TSC2: variants seen among roughly 807,000 people sequenced by gnomAD.
TSC2 encodes tuberin.
A neutral mutation model predicts 202.2 loss-of-function variants in TSC2; 29 were observed. That is an observed-to-expected ratio of 0.14 (90% confidence interval 0.11 to 0.20). The LOEUF (loss-of-function observed/expected upper bound fraction) is 0.20. Among genes scored for constraint, TSC2 ranks in the 10% least tolerant of loss-of-function variants. The pLI, the probability that TSC2 is intolerant of heterozygous loss-of-function variation, is 1.00. For missense variants in TSC2, 2,429 were observed against 2,420.0 expected, an observed-to-expected ratio of 1.00 and a Z score of -0.08; for synonymous variants, 1,349 against 1,044.0, an observed-to-expected ratio of 1.29 and a Z score of -5.63.
Position 2,063,289 on chromosome 16 carries a change from G to A in TSC2, c.1443+236G>A. 5 of 609,052 alleles carry A rather than the reference G, an allele frequency of 8.2e-6. No homozygotes were observed. The South Asian group carries it at 9.6e-5, about 12-fold the overall frequency. 37.7% of individuals were successfully genotyped at this position (609,052 alleles called of 1,614,324 possible). A position where few individuals can be genotyped will look rare whatever the true frequency, so the allele number is the denominator to read the frequency against. ...AAGTAGCAAGGAAGGCACAGTGCCT[G>A]CCCTCAGGGAGCTCCGGCCGGTTTT... is the stretch of plus-strand genomic sequence containing the variant. On this transcript the variant is annotated intron_variant, in intron 14 of 41. Coordinates refer to ENST00000219476, the MANE Select transcript of TSC2 (RefSeq NM_000548.5).
chr16:2,080,017 T>G (rs529380489), intron 29 of TSC2, 148 bp from the exon 30 acceptor site: 1 of 1,097,946 alleles, frequency 9.1e-7, no homozygotes, highest in African/African-American at 1.5e-5. Context: ...GCCAGCACTG[T>G]GGTGGGCCGT....
chr16:2,083,335 T>A (rs372127454), intron 32 of TSC2: 25 of 457,078 alleles, frequency 5.5e-5, no homozygotes, highest in African/African-American at 4.1e-4. Context: ...CTCTCCTCGG[T>A]TACGAGGGCT....
chr16:2,083,888 G>T, intron 33 of TSC2, 72 bp downstream of exon 33: 1 of 1,550,814 alleles, frequency 6.4e-7, no homozygotes, highest in Non-Finnish European at 8.7e-7. Context: ...CTCTGCGTGG[G>T]TGTGCCTGCA....
chr16:2,087,048 C>A, intron 38 of TSC2, 177 bp downstream of exon 38: 4 of 954,710 alleles, frequency 4.2e-6, no homozygotes, highest in Admixed American at 2.3e-5. Flanking sequence ...GTCCTCTGTG[C>A]CCTGAAGCCT....
chr16:2,078,722 T>C (rs2089735012), intron 26 of TSC2: 1 of 452,304 alleles, frequency 2.2e-6, no homozygotes, highest in Admixed American at 3.4e-5. Context: ...TCTGCATGAC[T>C]ACACCGTTTC....
chr16:2,069,126 G>A (rs1251306469), intron 16 of TSC2, among the ~76,000 whole-genome samples: 1 of 152,170 alleles, frequency 6.6e-6, no homozygotes, highest in African/African-American at 2.4e-5. Context: ...ACGGTGACAA[G>A]TTTGATTCCC....
At chr16:2,069,005 A>G (rs1463800185) in intron 16 of TSC2, among the ~76,000 whole-genome samples, 5 of 151,846 alleles carry the variant, frequency 3.3e-5, no homozygotes, top group Middle Eastern at 3.2e-3. Flanking sequence ...AGGAGAGGAG[A>G]CACATGGTCT....
chr16:2,063,843 G>T (rs962488347), intron 14 of TSC2: 2 of 325,994 alleles, frequency 6.1e-6, no homozygotes, highest in Non-Finnish European at 1.2e-5. Context: ...GCTGTCCTCA[G>T]CACAGCACGC....
Position 2,080,664 on chromosome 16 carries a change from C to T in TSC2, c.3610+287C>T, listed in dbSNP as rs534142883. 493 of 425,024 alleles carry T rather than the reference C, an allele frequency of 1.2e-3. 5 individuals carry two copies. The highest frequency in any genetic ancestry group is 5.2e-3 in the South Asian group (228 of 43,916). The allele number at this position is 425,024 out of a possible 1,614,324, so 26.3% of individuals were successfully genotyped here. A position where few individuals can be genotyped will look rare whatever the true frequency, so the allele number is the denominator to read the frequency against. ...ACGCCTGGCCAATTTTTTTGTATTT[C>T]TAGTAGAGATGGGGTTTCACTGTGT... On this transcript the variant is annotated intron_variant, in intron 30 of 41. Coordinates refer to ENST00000219476, the MANE Select transcript of TSC2 (RefSeq NM_000548.5).
intron 15 of TSC2, chr16:2,065,276 G>C (rs928279985): frequency 1.4e-5 from 7 of 488,896 alleles, no homozygotes; most frequent in Non-Finnish European, 2.6e-5. Flanking sequence ...AGCTGGGCGT[G>C]GTGGCGGGCG....
chr16:2,063,421 G>C, intron 14 of TSC2: 1 of 391,208 alleles, frequency 2.6e-6, no homozygotes, highest in South Asian at 2.4e-5. Context: ...CTGTGCACCT[G>C]CGTGATCGCC....
intron 5 of TSC2, chr16:2,054,897 G>C: frequency 3.0e-6 from 1 of 331,370 alleles, no homozygotes; most frequent in South Asian, 2.7e-5. Context: ...AGGAGGAAGA[G>C]ATCGGTCTGA....
Position 2,079,302 on chromosome 16 carries a change from C to T in TSC2, c.3158C>T (p.Ala1053Val), listed in dbSNP as rs760214724. The T allele has an allele frequency of 8.1e-6, 13 of 1,613,016 alleles. No individual in the cohort carries two copies. The highest frequency in any genetic ancestry group is 8.5e-6 in the Non-Finnish European group (10 of 1,180,014). The change falls in exon 28 of 42, where the codon GCG becomes GTG. Residue 1053 changes from alanine to valine, a missense_variant. By Grantham distance (64) the Ala-to-Val change is moderately conservative (BLOSUM62 0). Coordinates refer to ENST00000219476, the MANE Select transcript of TSC2 (RefSeq NM_000548.5). The surrounding 1 kb of genome is among the most constrained non-coding windows in gnomAD (Gnocchi z 4.6). Reference protein sequence around the residue: ...KRSPVGEFLLAGGRTKTWLVG... With the variant: ...KRSPVGEFLLVGGRTKTWLVG... ...TCTCCTGTGGGCGAGTTCCTCCTAGCGGGTGGCAGGACCAAAACCTGGCTG... is the reference window on the plus strand; with the variant it reads ...TCTCCTGTGGGCGAGTTCCTCCTAGTGGGTGGCAGGACCAAAACCTGGCTG...
At chr16:2,072,576 C>T (rs1209856200) in intron 20 of TSC2, 6 of 824,776 alleles carry the variant, frequency 7.3e-6, no homozygotes, top group Non-Finnish European at 7.4e-6. Flanking sequence ...CAGAGGTCCC[C>T]AGCCAAGGGC....
At position 2,072,334 on chromosome 16, in the gene TSC2, G is replaced by T. The variant is rs777308285; in HGVS notation, c.2191G>T (p.Asp731Tyr). 1.2e-6 allele frequency: 2 copies of T among 1,614,092 alleles called. No homozygotes were observed. The highest frequency in any genetic ancestry group is 1.7e-6 in the Non-Finnish European group (2 of 1,180,026). ...CATCTTTACTTCCCCTTGCAGTGTG[G>T]ACCAGCTGTGCTCTGCTCTCTGCTC... is the stretch of plus-strand genomic sequence containing the variant. ...VLIFTSPCSV[D>Y]QLCSALCSML... The change falls in exon 20 of 42, where the codon GAC becomes TAC. Residue 731 changes from aspartate (D) to tyrosine (Y), a missense_variant. By Grantham distance (160) the Asp-to-Tyr change is radical. Coordinates refer to ENST00000219476, the MANE Select transcript of TSC2 (RefSeq NM_000548.5).
intron 11 of TSC2, 26 bp from the exon 12 acceptor site, chr16:2,061,845 C>T (rs935266082): frequency 9.9e-6 from 16 of 1,614,022 alleles, no homozygotes; most frequent in Non-Finnish European, 1.2e-5. Context: ...GGAAGTCAGC[C>T]TGTGTCATCG....
In TSC2 at chr16:2,064,391, A is replaced by T. The variant is rs1464352573; in HGVS notation, c.1563A>T (p.Thr521=). 2 of 1,613,676 alleles carry T rather than the reference A, an allele frequency of 1.2e-6. No homozygotes were observed. The highest frequency in any genetic ancestry group is 4.5e-5 in the East Asian group (2 of 44,884). The change falls in exon 15 of 42, where the codon ACA becomes ACT. Residue 521 remains threonine (T), a synonymous_variant. Coordinates refer to ENST00000219476, the MANE Select transcript of TSC2 (RefSeq NM_000548.5). The part of the protein sequence containing the change: ...LLVDLAEGCH[T]HHFNSLLDII... ...TGGACCTGGCAGAGGGCTGCCACAC[A>T]CACCACTTCAACAGCCTGCTGGACA... is the stretch of plus-strand genomic sequence containing the variant.
At position 2,063,071 on chromosome 16, in the gene TSC2, C is replaced by T. The variant is rs375947241; in HGVS notation, c.1443+18C>T. On this transcript the variant is annotated intron_variant, in intron 14 of 41. Transcript: ENST00000219476. The stretch of plus-strand genomic sequence containing the variant: ...TCTATGAGGTGCGTGTCCAGGCGGC[C>T]GCAGCTGGGGGCTCAGGGCTATTTC... 6.4e-4 allele frequency: 987 copies of T among 1,551,292 alleles called. 5 individuals carry two copies. The African/African-American group carries it at 0.012, about 19-fold the overall frequency.
chr16:2,079,414 C>T lies in TSC2; in HGVS notation c.3270C>T (p.Ser1090=), dbSNP rs754951889. 2.5e-5 allele frequency: 41 copies of T among 1,612,634 alleles called. No homozygotes were observed. The highest frequency in any genetic ancestry group is 3.3e-4 in the Middle Eastern group (2 of 6,084). The change falls in exon 28 of 42, where the codon TCC becomes TCT. Residue 1090 remains serine (S), a synonymous_variant. Coordinates refer to ENST00000219476, the MANE Select transcript of TSC2 (RefSeq NM_000548.5). This position sits in a 1 kb window ranked among gnomAD's most constrained non-coding sequence, Gnocchi z 4.6. ...LLGLDSGELQ[S]GPESSSSPGV... ...GCCTGGACTCGGGGGAGCTGCAGTC[C>T]GGCCCGGAGTCGAGGTGACTGCACC...
Sources: allele counts gnomAD v4.1 joint callset (sites outside exome capture counted in the v4.1 genomes callset), GRCh38; gene constraint gnomAD v4.1.1; non-coding constraint Gnocchi (gnomAD v3.1); transcripts MANE v1.5; gene names NCBI Gene and HGNC (gene_info 2026-07-23, HGNC 2026-07-21).